The following SH3BGRL2 variants were observed in gnomAD, a reference collection of about 807,000 sequenced individuals.
The protein encoded by SH3BGRL2 is SH3 domain-binding glutamic acid-rich-like protein 2.
A neutral mutation model predicts 14.8 loss-of-function variants in SH3BGRL2; 21 were observed. The observed-to-expected ratio is 1.42, with a 90% CI of 1.01 to 2.05. SH3BGRL2 has a LOEUF of 2.05. Among genes scored for constraint, SH3BGRL2 ranks in the 30% most tolerant of loss-of-function variants. The probability of loss-of-function intolerance (pLI) is 0.00; values close to 1 mark genes in which losing one functional copy is unlikely to be tolerated. For missense variants in SH3BGRL2, 147 were observed against 130.8 expected (o/e 1.12, Z -0.61); for synonymous variants, 50 against 47.8 (o/e 1.05, Z -0.19).
intron 1 of SH3BGRL2, among the ~76,000 whole-genome samples, chr6:79,661,258 G>C (rs1485840128): frequency 6.6e-6 from 1 of 152,124 alleles, no homozygotes; most frequent in Non-Finnish European, 1.5e-5. Flanking sequence ...GCTTTCTCCT[G>C]TGGGCATTTA....
At chr6:79,542,511 C>T in the SH3BGRL2 span, among the ~76,000 whole-genome samples, 1 of 152,132 alleles carries the variant, frequency 6.6e-6, no homozygotes, top group Non-Finnish European at 1.5e-5. Context: ...TCAGGTGATC[C>T]ACCCGCCTTG....
chr6:79,637,255 T>C (rs948612903), intron 1 of SH3BGRL2, among the ~76,000 whole-genome samples: 5 of 152,200 alleles, frequency 3.3e-5, no homozygotes, highest in Non-Finnish European at 5.9e-5. Flanking sequence ...TTCAGTAACA[T>C]TTAAACTTAA....
intron 1 of SH3BGRL2, among the ~76,000 whole-genome samples, chr6:79,657,969 T>C (rs10455124): frequency 0.45 from 68,815 of 151,872 alleles, 16,519 homozygotes; most frequent in Non-Finnish European, 0.53. Flanking sequence ...AATTTGTTAG[T>C]AGTGGATTAG....
chr6:79,691,818 G>A (rs373345363), intron 2 of SH3BGRL2, among the ~76,000 whole-genome samples: 6 of 151,500 alleles, frequency 4.0e-5, no homozygotes, highest in Admixed American at 1.3e-4. Flanking sequence ...ATAAACATAC[G>A]TGTGCATGTG....
intron 1 of SH3BGRL2, among the ~76,000 whole-genome samples, chr6:79,667,901 C>T (rs879777703): frequency 1.2e-4 from 19 of 152,222 alleles, no homozygotes; most frequent in Non-Finnish European, 2.4e-4. Context: ...CCGGCCCCAC[C>T]TCCCCCCAGT....
chr6:79,624,964 G>C, the SH3BGRL2 span, among the ~76,000 whole-genome samples: 17 of 151,926 alleles, frequency 1.1e-4, no homozygotes, highest in African/African-American at 3.9e-4. Flanking sequence ...TTAAGCCCAG[G>C]GTTCCAGATG....
At chr6:79,643,589 T>A (rs959624626) in intron 1 of SH3BGRL2, among the ~76,000 whole-genome samples, 1 of 152,230 alleles carries the variant, frequency 6.6e-6, no homozygotes, top group African/African-American at 2.4e-5. Context: ...ATGAGTACCA[T>A]TCACATGTGC....
chr6:79,587,949 G>C, the SH3BGRL2 span, among the ~76,000 whole-genome samples: 13 of 151,672 alleles, frequency 8.6e-5, no homozygotes, highest in Middle Eastern at 3.4e-3. Context: ...GCTGAGGCGG[G>C]CGGATCACCT....
At chr6:79,563,746 A>T in the SH3BGRL2 span, among the ~76,000 whole-genome samples, 1 of 152,208 alleles carries the variant, frequency 6.6e-6, no homozygotes, top group African/African-American at 2.4e-5. Flanking sequence ...TGAGACCAAA[A>T]AAAGAATATC....
chr6:79,681,205 T>C (rs545797014), intron 2 of SH3BGRL2, among the ~76,000 whole-genome samples: 3 of 152,332 alleles, frequency 2.0e-5, no homozygotes, highest in South Asian at 4.1e-4. Flanking sequence ...TTCTGTTTTA[T>C]AATGAAGAGA....
At chr6:79,692,594 C>T (rs1027361155) in intron 2 of SH3BGRL2, among the ~76,000 whole-genome samples, 2 of 152,264 alleles carry the variant, frequency 1.3e-5, no homozygotes, top group Non-Finnish European at 2.9e-5. Context: ...GTTTTCCCAG[C>T]ACCATTTATT....
chr6:79,590,876 G>C, the SH3BGRL2 span, among the ~76,000 whole-genome samples: 2 of 152,200 alleles, frequency 1.3e-5, no homozygotes, highest in South Asian at 4.2e-4. Flanking sequence ...GGAATATTTT[G>C]ACACAAACAT....
the SH3BGRL2 span, among the ~76,000 whole-genome samples, chr6:79,550,412 A>G: frequency 6.6e-6 from 1 of 152,170 alleles, no homozygotes; most frequent in African/African-American, 2.4e-5. Context: ...ATTTTTCCCT[A>G]AGGTAATCCT....
chr6:79,634,660 G>A (rs919860665), intron 1 of SH3BGRL2, among the ~76,000 whole-genome samples: 2 of 152,022 alleles, frequency 1.3e-5, no homozygotes, highest in African/African-American at 4.8e-5. Context: ...TGGTCTTCTG[G>A]GAAGCCAGAG....
chr6:79,683,773 C>G (rs1451309022), intron 2 of SH3BGRL2, among the ~76,000 whole-genome samples: 1 of 152,170 alleles, frequency 6.6e-6, no homozygotes, highest in Non-Finnish European at 1.5e-5. Flanking sequence ...GCTCACAGTC[C>G]CTTCCGTAGT....
the SH3BGRL2 span, among the ~76,000 whole-genome samples, chr6:79,550,054 C>T: frequency 6.6e-6 from 1 of 151,974 alleles, no homozygotes; most frequent in East Asian, 1.9e-4. Context: ...GAATTATGGA[C>T]CAAAAAAATG....
intron 1 of SH3BGRL2, among the ~76,000 whole-genome samples, chr6:79,647,541 C>A (rs1253185857): frequency 1.3e-5 from 2 of 152,052 alleles, no homozygotes; most frequent in Admixed American, 6.6e-5. Context: ...TCCTTCCCCC[C>A]AAACAACTCT....
At chr6:79,672,591 G>A (rs1489507416) in intron 1 of SH3BGRL2, among the ~76,000 whole-genome samples, 1 of 151,852 alleles carries the variant, frequency 6.6e-6, no homozygotes, top group Non-Finnish European at 1.5e-5. Context: ...ACACAAACCT[G>A]GACATGCCTC....
At chr6:79,680,415 C>G (rs540499634) in intron 2 of SH3BGRL2, among the ~76,000 whole-genome samples, 3 of 152,160 alleles carry the variant, frequency 2.0e-5, no homozygotes, top group African/African-American at 7.2e-5. Context: ...TTTGGACTCT[C>G]TGTTCTGTGC....
Sources: gnomAD v4.1 joint callset for allele counts (sites outside exome capture counted in the v4.1 genomes callset) on GRCh38, gnomAD v4.1.1 for gene constraint, MANE v1.5 for transcripts, NCBI Gene and HGNC (gene_info 2026-07-23, HGNC 2026-07-21) for gene names.